The following APP variants were observed in gnomAD, a reference collection of about 807,000 sequenced individuals.
APP encodes the protein amyloid beta precursor protein.
A neutral mutation model predicts 101.4 loss-of-function variants in APP; 31 were observed. That is an observed-to-expected ratio of 0.31 (90% CI 0.23 to 0.41). APP has a LOEUF of 0.41. Among genes scored for constraint, APP ranks in the 10% least tolerant of loss-of-function variants. The pLI, the probability that APP is intolerant of heterozygous loss-of-function variation, is 1.00. For missense variants in APP, 839 were observed against 1,003.7 expected (o/e 0.84, Z 2.22); for synonymous variants, 366 against 364.4 (o/e 1.00, Z -0.05).
intron 3 of APP, among the ~76,000 whole-genome samples, chr21:26,056,026 C>T (rs1247892053): frequency 6.6e-6 from 1 of 152,124 alleles, no homozygotes; most frequent in Non-Finnish European, 1.5e-5. Context: ...AGGACATGTA[C>T]TGCATTAATC....
chr21:25,998,010 A>C (rs945534453), intron 7 of APP, among the ~76,000 whole-genome samples: 1 of 152,224 alleles, frequency 6.6e-6, no homozygotes, highest in African/African-American at 2.4e-5. Context: ...CTCCCAGCCC[A>C]AACTGATCAA....
chr21:25,964,362 G>T (rs979265394), intron 11 of APP, among the ~76,000 whole-genome samples: 12 of 152,138 alleles, frequency 7.9e-5, no homozygotes, highest in Non-Finnish European at 1.6e-4. Flanking sequence ...AACTTTCAAT[G>T]AATCCTTTTG....
chr21:26,077,659 T>C (rs994733742), intron 3 of APP, among the ~76,000 whole-genome samples: 5 of 152,028 alleles, frequency 3.3e-5, no homozygotes, highest in African/African-American at 1.2e-4. Flanking sequence ...ACCAGCCTCG[T>C]TCGTCTCCTC....
chr21:26,140,255 T>C, intron 1 of APP: 1 of 1,536,030 alleles, frequency 6.5e-7, no homozygotes, highest in South Asian at 1.2e-5. Context: ...TGTGGAATAC[T>C]CCCTGAGATC....
intron 17 of APP, among the ~76,000 whole-genome samples, chr21:25,884,856 T>C (rs149026814): frequency 1.4e-4 from 21 of 152,334 alleles, no homozygotes; most frequent in African/African-American, 4.8e-4. Context: ...TTTGCATGCA[T>C]CAAGGGCAGG....
In APP at chr21:25,903,530, A is replaced by G. The variant is rs185488976; in HGVS notation, c.1963+1494T>C. On this transcript the variant is annotated intron_variant, in intron 15 of 17. Transcript: ENST00000346798. ...GAATGAGTCGAATGAGCGCTTTCTAAGTTACATTTTATGCTTGTAGATGAA... is the reference window on the plus strand; with the variant it reads ...GAATGAGTCGAATGAGCGCTTTCTAGGTTACATTTTATGCTTGTAGATGAA... 2.7e-4 allele frequency among the ~76,000 whole-genome samples: 41 copies of G among 152,246 alleles called. 1 individual carries two copies. The highest frequency in any genetic ancestry group is 2.8e-4 in the Non-Finnish European group (19 of 68,014).
intron 1 of APP, among the ~76,000 whole-genome samples, chr21:26,114,813 GCTGA>G (rs971677635): frequency 3.0e-4 from 46 of 151,928 alleles, no homozygotes; most frequent in Non-Finnish European, 2.2e-4. Flanking sequence ...ATGTGTGTAT[GCTGA>G]CTATCAAAAA....
At chr21:26,065,220 G>T (rs2046413367) in intron 3 of APP, among the ~76,000 whole-genome samples, 1 of 152,104 alleles carries the variant, frequency 6.6e-6, no homozygotes, top group Non-Finnish European at 1.5e-5. Context: ...CATTGTCAGG[G>T]CATGTTCAAG....
chr21:26,086,242 G>A (rs2061700299), intron 3 of APP, among the ~76,000 whole-genome samples: 1 of 152,118 alleles, frequency 6.6e-6, no homozygotes, highest in Non-Finnish European at 1.5e-5. Context: ...CTTACCCTCT[G>A]GTTCCAGAGG....
chr21:26,015,630 C>T (rs1242429313), intron 6 of APP, among the ~76,000 whole-genome samples: 1 of 152,098 alleles, frequency 6.6e-6, no homozygotes, highest in Non-Finnish European at 1.5e-5. Flanking sequence ...AAACAGGTTA[C>T]TTAACTGGCC....
intron 11 of APP, among the ~76,000 whole-genome samples, chr21:25,960,032 G>A (rs995227074): frequency 4.6e-5 from 7 of 152,206 alleles, no homozygotes; most frequent in African/African-American, 1.7e-4. Context: ...AGATGCAGAT[G>A]AACTGGGAGG....
intron 11 of APP, among the ~76,000 whole-genome samples, chr21:25,957,479 T>C (rs969257672): frequency 6.6e-6 from 1 of 152,206 alleles, no homozygotes; most frequent in African/African-American, 2.4e-5. Flanking sequence ...CGATGCTTGC[T>C]TGTTATTAAG....
intron 7 of APP, among the ~76,000 whole-genome samples, chr21:25,999,413 G>A (rs1490327927): frequency 6.6e-6 from 1 of 152,206 alleles, no homozygotes; most frequent in African/African-American, 2.4e-5. Flanking sequence ...CCTGGCAAAT[G>A]TCTGTGTGCT....
Position 26,021,924 on chromosome 21 carries a change from G to T in APP, c.781C>A (p.Pro261Thr), listed in dbSNP as rs201732035. The change falls in exon 6 of 18, where the codon CCC becomes ACC. Residue 261 changes from proline (P) to threonine (T), a missense_variant. Physicochemically the swap from Pro to Thr is conservative, Grantham distance 38. Coordinates refer to ENST00000346798, the MANE Select transcript of APP (RefSeq NM_000484.4). ...GDEVEEEAEEPYEEATERTTS... is the reference protein window; with the variant it reads ...GDEVEEEAEETYEEATERTTS... ...GTTCTCTCTGTGGCTTCTTCGTAGG[G>T]TTCCTCAGCCTCTTCCTCTACCTCA... The T allele has an allele frequency of 6.2e-7, 1 of 1,613,266 alleles. No individual in the cohort carries two copies. The highest frequency in any genetic ancestry group is 1.1e-5 in the South Asian group (1 of 91,040).
chr21:26,008,351 G>A (rs2043630411), intron 6 of APP, among the ~76,000 whole-genome samples: 1 of 152,144 alleles, frequency 6.6e-6, no homozygotes, highest in Non-Finnish European at 1.5e-5. Flanking sequence ...TGTTTGTTAT[G>A]GGAATAAACT....
intron 2 of APP, among the ~76,000 whole-genome samples, chr21:26,096,544 G>T (rs62222439): frequency 6.6e-6 from 1 of 152,220 alleles, no homozygotes; most frequent in Non-Finnish European, 1.5e-5. Flanking sequence ...GGGCTTTCAC[G>T]AACACACAAA....
intron 5 of APP, 135 bp downstream of exon 5, chr21:26,050,865 T>C (rs936734317): frequency 8.8e-6 from 9 of 1,021,982 alleles, no homozygotes; most frequent in Admixed American, 2.2e-5. Flanking sequence ...GTTCAGATTT[T>C]TGCATAACAG....
intron 1 of APP, among the ~76,000 whole-genome samples, chr21:26,156,820 T>C (rs376472443): frequency 6.6e-6 from 1 of 151,458 alleles, no homozygotes; most frequent in Admixed American, 6.6e-5. Flanking sequence ...AATTCTAATA[T>C]AATTAAAATT....
At chr21:26,020,665 T>C (rs1415399709) in intron 6 of APP, among the ~76,000 whole-genome samples, 2 of 152,186 alleles carry the variant, frequency 1.3e-5, no homozygotes, top group African/African-American at 2.4e-5. Flanking sequence ...AGTAAGTACA[T>C]ATTCATTCAA....
Sources: gnomAD v4.1 joint callset for allele counts (sites outside exome capture counted in the v4.1 genomes callset) on GRCh38, gnomAD v4.1.1 for gene constraint, MANE v1.5 for transcripts, NCBI Gene and HGNC (gene_info 2026-07-23, HGNC 2026-07-21) for gene names.